The following ANKH variants were observed in gnomAD, a reference collection of about 807,000 sequenced individuals.
ANKH encodes the protein mineralization regulator ANKH.
A neutral mutation model predicts 49.0 loss-of-function variants in ANKH; 15 were observed. The observed-to-expected ratio is 0.31, with a 90% CI of 0.20 to 0.47. The LOEUF (loss-of-function observed/expected upper bound fraction) is 0.47, where lower values mean the gene tolerates loss of function less well. ANKH is among the 20% of genes least tolerant of loss of function. The pLI is 1.00. For synonymous variants in ANKH, 273 were observed against 260.0 expected (o/e 1.05, Z -0.48); for missense variants, 429 against 652.0 (o/e 0.66, Z 3.72).
In ANKH at chr5:14,800,727, C is replaced by CT. The variant is rs901835855; in HGVS notation, c.97-31537dup. Among the ~76,000 whole-genome samples, 1,298 of 135,264 alleles carry CT rather than the reference C, an allele frequency of 9.6e-3. 8 individuals are homozygous for CT. Among genetic ancestry groups the CT allele is most frequent in the East Asian group, 0.033 (155 of 4,732 alleles). The allele number at this position is 135,264 out of a possible 152,430, so 88.7% of individuals were successfully genotyped here. A position where few individuals can be genotyped will look rare whatever the true frequency, so the allele number is the denominator to read the frequency against. Reference sequence around the variant, plus strand: ...ATAGAGCAAATATAACATTTTTTTTCTTTTTTTTTTTTTTTTTGAGACAGG... The same window carrying CT: ...ATAGAGCAAATATAACATTTTTTTTCTTTTTTTTTTTTTTTTTTGAGACAGG... On this transcript the variant is annotated intron_variant, in intron 1 of 11. Coordinates refer to ENST00000284268, the MANE Select transcript of ANKH (RefSeq NM_054027.6).
intron 1 of ANKH, chr5:14,797,327 A>G (rs1740420684): frequency 1.3e-6 from 2 of 1,598,054 alleles, no homozygotes; most frequent in Non-Finnish European, 8.6e-7. Flanking sequence ...TGTCTTCTGC[A>G]TCTTCTGGGG....
At chr5:14,828,088 C>T (rs1198929604) in intron 1 of ANKH, among the ~76,000 whole-genome samples, 1 of 152,228 alleles carries the variant, frequency 6.6e-6, no homozygotes, top group Admixed American at 6.5e-5. Flanking sequence ...TTAAGCACTA[C>T]CATCTGCTTT....
rs1050365628 is a variant in ANKH, at chr5:14,770,547, G to T, written c.97-1356C>A. Among the ~76,000 whole-genome samples the T allele has an allele frequency of 6.6e-6, 1 of 152,084 alleles. No homozygotes were observed. The highest frequency in any genetic ancestry group is 2.4e-5 in the African/African-American group (1 of 41,402). On this transcript the variant is annotated intron_variant, in intron 1 of 11. Transcript: ENST00000284268. The surrounding 1 kb of genome is among the most constrained non-coding windows in gnomAD (Gnocchi z 4.1). Reference sequence around the variant, plus strand: ...TTATTAACAATATATTATAATAAAAGTTTTATCAATGTGGTCTTTCTCTCA... The same window carrying T: ...TTATTAACAATATATTATAATAAAATTTTTATCAATGTGGTCTTTCTCTCA...
intron 1 of ANKH, among the ~76,000 whole-genome samples, chr5:14,840,496 T>G (rs941811854): frequency 6.6e-6 from 1 of 152,212 alleles, no homozygotes; most frequent in African/African-American, 2.4e-5. Context: ...ATTCTGATGT[T>G]TAGAATCTGG....
chr5:14,757,430 ATTTTTTTT>A (rs1243593041), intron 3 of ANKH, among the ~76,000 whole-genome samples: 2 of 113,800 alleles, frequency 1.8e-5, no homozygotes, highest in African/African-American at 3.3e-5. Flanking sequence ...ATATATATAT[ATTTTTTTT>A]TTTTTTTTTT....
At chr5:14,742,902 C>T (rs7713729) in intron 7 of ANKH, among the ~76,000 whole-genome samples, 2,793 of 152,336 alleles carry the variant, frequency 0.018, 32 homozygotes, top group Non-Finnish European at 0.024. Context: ...CCCCAGACCA[C>T]GAAAACTGGC....
chr5:14,714,408 T>C (rs931310874), intron 9 of ANKH, among the ~76,000 whole-genome samples: 16 of 152,202 alleles, frequency 1.1e-4, no homozygotes, highest in African/African-American at 3.6e-4. Flanking sequence ...CATCTGAAAC[T>C]GGAAAGGCTT....
intron 1 of ANKH, among the ~76,000 whole-genome samples, chr5:14,823,709 C>A (rs748606246): frequency 6.6e-6 from 1 of 152,132 alleles, no homozygotes; most frequent in Middle Eastern, 3.2e-3. Context: ...GGTGGATCAC[C>A]TGAGGTCAGG....
At chr5:14,869,578 G>C (rs913966879) in intron 1 of ANKH, 1 of 152,222 alleles carries the variant, frequency 6.6e-6, no homozygotes, top group East Asian at 1.9e-4. Context: ...GGATGAGTTA[G>C]AATTATTAGA....
chr5:14,825,900 T>C (rs1741326299), intron 1 of ANKH: 1 of 152,414 alleles, frequency 6.6e-6, no homozygotes, highest in African/African-American at 2.4e-5. Context: ...GTAACCTCCA[T>C]AATTAAAATC....
chr5:14,806,778 G>T (rs1740721007), intron 1 of ANKH, among the ~76,000 whole-genome samples: 1 of 152,136 alleles, frequency 6.6e-6, no homozygotes, highest in African/African-American at 2.4e-5. Context: ...AAAGGAGATG[G>T]CTGGGAAAGA....
Position 14,704,953 on chromosome 5 carries a change from A to C in ANKH, c.*6244T>G, listed in dbSNP as rs1736894396. 1 of 152,254 alleles carries C rather than the reference A, an allele frequency of 6.6e-6. No individual in the cohort carries two copies. Among genetic ancestry groups the C allele is most frequent in the Non-Finnish European group, 1.5e-5 (1 of 68,046 alleles). The allele number at this position is 152,254 out of a possible 1,614,324, so 9.4% of individuals were successfully genotyped here. A position where few individuals can be genotyped will look rare whatever the true frequency, so the allele number is the denominator to read the frequency against. On this transcript the variant is annotated 3_prime_UTR_variant, in exon 12 of 12. Coordinates refer to ENST00000284268, the MANE Select transcript of ANKH (RefSeq NM_054027.6). Reference sequence around the variant, plus strand: ...AAACTTCCATCTGTTAGATACATAAAGAGCACTTCCTTAAAAGCGACATGT... The same window carrying C: ...AAACTTCCATCTGTTAGATACATAACGAGCACTTCCTTAAAAGCGACATGT...
chr5:14,755,949 C>G lies in ANKH; in HGVS notation c.433-5G>C, dbSNP rs931617517. The G allele has an allele frequency of 1.9e-6, 3 of 1,613,492 alleles. No homozygotes were observed. In the African/African-American group the frequency reaches 4.0e-5, roughly 22 times the overall value. On this transcript the variant is annotated splice_polypyrimidine_tract_variant and splice_region_variant and intron_variant, in intron 3 of 11. Transcript: ENST00000284268. ...AATGCCAGCATGGGTCCATGCCTGCCAGAAAGAAAAGAATTTGGCATGAGA... is the reference window on the plus strand; with the variant it reads ...AATGCCAGCATGGGTCCATGCCTGCGAGAAAGAAAAGAATTTGGCATGAGA...
At position 14,711,121 on chromosome 5, in the gene ANKH, G is replaced by A. The variant is rs1040210314; in HGVS notation, c.*76C>T. 9.7e-6 allele frequency: 12 copies of A among 1,240,344 alleles called. No individual in the cohort carries two copies. Among genetic ancestry groups the A allele is most frequent in the East Asian group, 4.6e-5 (2 of 43,128 alleles). 76.8% of individuals were successfully genotyped at this position (1,240,344 alleles called of 1,614,324 possible). ...AAACAAAAAAAAGGGAACAAAATAC[G>A]ATGGGAGAGGGAAGAGATGATGCCG... On this transcript the variant is annotated 3_prime_UTR_variant, in exon 12 of 12. Coordinates refer to ENST00000284268, the MANE Select transcript of ANKH (RefSeq NM_054027.6).
At chr5:14,811,507 T>C (rs1402418109) in intron 1 of ANKH, among the ~76,000 whole-genome samples, 1 of 152,200 alleles carries the variant, frequency 6.6e-6, no homozygotes, top group Admixed American at 6.5e-5. Context: ...TGCGTACTAT[T>C]GGAACTAACC....
chr5:14,738,562 T>A (rs931318105), intron 8 of ANKH, among the ~76,000 whole-genome samples: 7 of 152,112 alleles, frequency 4.6e-5, no homozygotes, highest in African/African-American at 1.4e-4. Flanking sequence ...AAACACCAAG[T>A]GTGCTGCTCT....
At chr5:14,762,494 C>G (rs1472284988) in intron 2 of ANKH, among the ~76,000 whole-genome samples, 1 of 152,198 alleles carries the variant, frequency 6.6e-6, no homozygotes, top group African/African-American at 2.4e-5. Context: ...TTATTTCAGT[C>G]TCTTCCTCTT....
intron 1 of ANKH, among the ~76,000 whole-genome samples, chr5:14,799,029 T>TA (rs1047603663): frequency 4.6e-5 from 7 of 152,168 alleles, no homozygotes; most frequent in Admixed American, 4.6e-4. Flanking sequence ...TAAAGGAAAT[T>TA]AAAAAATGTT....
chr5:14,817,604 G>C (rs1010477148), intron 1 of ANKH, among the ~76,000 whole-genome samples: 3 of 152,182 alleles, frequency 2.0e-5, no homozygotes, highest in African/African-American at 7.2e-5. Context: ...ACCTGATACA[G>C]AGTGACATCT....
Sources: gnomAD v4.1 joint callset for allele counts (sites outside exome capture counted in the v4.1 genomes callset) on GRCh38, gnomAD v4.1.1 for gene constraint, Gnocchi (gnomAD v3.1) non-coding constraint, MANE v1.5 for transcripts, NCBI Gene and HGNC (gene_info 2026-07-23, HGNC 2026-07-21) for gene names.